The following CAST variants were observed in gnomAD, a reference collection of about 807,000 sequenced individuals.
The protein encoded by CAST is calpastatin.
In CAST, 76 loss-of-function variants were observed where a neutral mutation model predicts 119.6. The ratio of observed to expected loss-of-function variants is 0.64; its 90% CI spans 0.53 to 0.77. The LOEUF is 0.77. Ranked by LOEUF, CAST falls within the 30% of genes least tolerant of loss-of-function variation. The pLI is 0.00. For missense variants in CAST, 953 were observed against 946.5 expected (o/e 1.01, Z -0.09); for synonymous variants, 319 against 331.6 (o/e 0.96, Z 0.41).
the CAST span, among the ~76,000 whole-genome samples, chr5:96,179,853 G>T: frequency 6.6e-6 from 1 of 152,078 alleles, no homozygotes; most frequent in Non-Finnish European, 1.5e-5. Context: ...TGGCTAACAC[G>T]GTGGAACCTC....
At chr5:96,299,002 G>A in the CAST span, among the ~76,000 whole-genome samples, 1 of 151,970 alleles carries the variant, frequency 6.6e-6, no homozygotes, top group Non-Finnish European at 1.5e-5. Context: ...CACTTTGGGA[G>A]GCCGAGGCGG....
chr5:96,452,423 A>T, the CAST span, among the ~76,000 whole-genome samples: 8 of 152,070 alleles, frequency 5.3e-5, no homozygotes, highest in Admixed American at 5.2e-4. Flanking sequence ...GTTCTCACTC[A>T]TAAGTGGGAG....
At chr5:96,722,807 A>G in intron 4 of CAST, 109 bp downstream of exon 4, 1 of 798,320 alleles carries the variant, frequency 1.3e-6, no homozygotes, top group Admixed American at 2.1e-5. Flanking sequence ...AGGAAGTTTT[A>G]ATTATGGAAG....
At chr5:96,039,165 G>T in the CAST span, among the ~76,000 whole-genome samples, 2 of 152,086 alleles carry the variant, frequency 1.3e-5, no homozygotes, top group Non-Finnish European at 2.9e-5. Flanking sequence ...CTGCATAAAT[G>T]TCTTCTTTTG....
the CAST span, among the ~76,000 whole-genome samples, chr5:96,513,070 T>C: frequency 6.6e-6 from 1 of 152,180 alleles, no homozygotes; most frequent in African/African-American, 2.4e-5. Context: ...TATCACTCAT[T>C]TGGGTCCTGA....
upstream of CAST, among the ~76,000 whole-genome samples, chr5:96,520,951 A>T (rs1045725026): frequency 6.6e-6 from 1 of 152,134 alleles, no homozygotes; most frequent in Non-Finnish European, 1.5e-5. Context: ...ATTCCATGAA[A>T]TCCCATTGTA....
At chr5:96,548,508 G>A (rs1746058301) in intron 1 of CAST, among the ~76,000 whole-genome samples, 1 of 152,078 alleles carries the variant, frequency 6.6e-6, no homozygotes, top group African/African-American at 2.4e-5. Context: ...GCTGTCCTTT[G>A]TGGTAGATGC....
At chr5:96,001,933 CTA>C in the CAST span, among the ~76,000 whole-genome samples, 2 of 152,170 alleles carry the variant, frequency 1.3e-5, no homozygotes, top group Admixed American at 6.5e-5. Context: ...CAAGAGGAGT[CTA>C]TGTTTCTTTG....
At chr5:96,621,693 A>T (rs868156832) in intron 1 of CAST, among the ~76,000 whole-genome samples, 2 of 152,306 alleles carry the variant, frequency 1.3e-5, no homozygotes, top group Middle Eastern at 6.8e-3. Flanking sequence ...ACAATTCAAG[A>T]TGAGATTTGG....
the CAST span, among the ~76,000 whole-genome samples, chr5:96,365,539 T>A: frequency 1.3e-5 from 2 of 152,252 alleles, no homozygotes; most frequent in Non-Finnish European, 2.9e-5. Flanking sequence ...TTAGGATAGT[T>A]AGCTCTTCTT....
chr5:96,757,178 T>C (rs1482197384), intron 22 of CAST, among the ~76,000 whole-genome samples: 1 of 152,154 alleles, frequency 6.6e-6, no homozygotes, highest in Non-Finnish European at 1.5e-5. Flanking sequence ...GCTGTGATAG[T>C]CTCTAGGCTT....
At chr5:96,518,193 G>A in the CAST span, among the ~76,000 whole-genome samples, 1 of 152,184 alleles carries the variant, frequency 6.6e-6, no homozygotes, top group Non-Finnish European at 1.5e-5. Context: ...CTAGGATGAC[G>A]ATATGTAATT....
intron 9 of CAST, 68 bp downstream of exon 9, chr5:96,730,928 A>G (rs1432142996): frequency 8.4e-7 from 1 of 1,183,482 alleles, no homozygotes; most frequent in African/African-American, 1.5e-5. Context: ...TGAGAAACGT[A>G]TGCTCAAATA....
chr5:96,273,123 A>T, the CAST span, among the ~76,000 whole-genome samples: 1 of 152,226 alleles, frequency 6.6e-6, no homozygotes, highest in Admixed American at 6.5e-5. Flanking sequence ...ACTTGTCTTG[A>T]TGGAGTTTGT....
chr5:96,016,446 G>A, the CAST span, among the ~76,000 whole-genome samples: 2 of 152,044 alleles, frequency 1.3e-5, no homozygotes, highest in East Asian at 1.9e-4. Context: ...TTTATATTTT[G>A]CACCCTGCAA....
At position 96,770,551 on chromosome 5, in the gene CAST, T is replaced by G. The variant is rs756695565; in HGVS notation, c.2289T>G (p.Ala763=). Residue 763 remains alanine (A), a synonymous_variant, in exon 30 of 32, where the codon GCT becomes GCG. Coordinates refer to ENST00000675179, the MANE Select transcript of CAST (RefSeq NM_001750.7). ...NTAKDKCKKA[A]SSSKAPKNGG... is the part of the protein sequence containing the mutation. Reference sequence around the variant, plus strand: ...TTTAGGATAAGTGCAAGAAGGCTGCTTCCAGCTCCAAAGCACCTAAGAATG... The same window carrying G: ...TTTAGGATAAGTGCAAGAAGGCTGCGTCCAGCTCCAAAGCACCTAAGAATG... The G allele has an allele frequency of 1.2e-6, 2 of 1,612,894 alleles. No homozygotes were observed. Among genetic ancestry groups the G allele is most frequent in the African/African-American group, 2.7e-5 (2 of 74,874 alleles).
chr5:96,463,426 C>CA, the CAST span, among the ~76,000 whole-genome samples: 1 of 152,030 alleles, frequency 6.6e-6, no homozygotes, highest in African/African-American at 2.4e-5. Flanking sequence ...TTTGAGAGCA[C>CA]ACAGCTTCTT....
the CAST span, among the ~76,000 whole-genome samples, chr5:96,514,685 A>G: frequency 2.0e-5 from 3 of 152,070 alleles, no homozygotes; most frequent in Non-Finnish European, 2.9e-5. Flanking sequence ...CCTGTGTCTG[A>G]GATGCCCCCC....
intron 1 of CAST, among the ~76,000 whole-genome samples, chr5:96,672,217 T>TTC (rs1274487456): frequency 6.6e-6 from 1 of 151,618 alleles, no homozygotes; most frequent in African/African-American, 2.4e-5. Context: ...TGCCCTCTTG[T>TTC]TCTCTCTCTC....
Sources: allele counts gnomAD v4.1 joint callset (sites outside exome capture counted in the v4.1 genomes callset), GRCh38; gene constraint gnomAD v4.1.1; transcripts MANE v1.5; gene names NCBI Gene and HGNC (gene_info 2026-07-23, HGNC 2026-07-21).